The following THADA variants were observed in gnomAD, a reference collection of about 807,000 sequenced individuals.
The protein encoded by THADA is THADA armadillo repeat containing, also known as tRNA (32-2'-O)-methyltransferase regulator THADA.
In THADA, 213 loss-of-function variants were observed where a neutral mutation model predicts 219.8. That is an observed-to-expected ratio of 0.97 (90% CI 0.87 to 1.09). The LOEUF is 1.09. Ranked by LOEUF, THADA falls within the 50% of genes least tolerant of loss-of-function variation. The probability of loss-of-function intolerance (pLI) is 0.00; values close to 1 mark genes in which losing one functional copy is unlikely to be tolerated. For synonymous variants in THADA, 1,018 were observed against 828.9 expected (o/e 1.23, Z -3.92); for missense variants, 2,956 against 2,311.3 (o/e 1.28, Z -5.72).
chr2:43,445,145 G>T (rs78728832), intron 26 of THADA, among the ~76,000 whole-genome samples: 1,693 of 152,182 alleles, frequency 0.011, 32 homozygotes, highest in Non-Finnish European at 0.013. Flanking sequence ...TCACCACAGT[G>T]ATTGCTGATA....
In THADA at chr2:43,550,704, A is replaced by G. The variant is rs908680983; in HGVS notation, c.2947+1085T>C. Among the ~76,000 whole-genome samples the G allele has an allele frequency of 6.6e-5, 10 of 152,362 alleles. No homozygotes were observed. The South Asian group carries it at 2.1e-3, about 32-fold the overall frequency. ...ATCCTCTGTAGGATCTACCCACAGT[A>G]GGTAACAGAAATATTCAAGATTTCT... On this transcript the variant is annotated intron_variant, in intron 19 of 37. Coordinates refer to ENST00000405975, the MANE Select transcript of THADA (RefSeq NM_022065.5).
intron 26 of THADA, among the ~76,000 whole-genome samples, chr2:43,464,591 C>T (rs1055669983): frequency 2.0e-5 from 3 of 152,110 alleles, no homozygotes; most frequent in Non-Finnish European, 2.9e-5. Context: ...GTATCACTCT[C>T]GGCAAAGGCT....
At chr2:43,494,807 T>A (rs1185969140) in intron 25 of THADA, among the ~76,000 whole-genome samples, 1 of 152,212 alleles carries the variant, frequency 6.6e-6, no homozygotes, top group Non-Finnish European at 1.5e-5. Flanking sequence ...CATTTCCCTA[T>A]ATTTTAAGAA....
chr2:43,482,808 A>T (rs138548325), intron 26 of THADA, among the ~76,000 whole-genome samples: 3 of 152,322 alleles, frequency 2.0e-5, no homozygotes, highest in African/African-American at 4.8e-5. Context: ...AGAAAAACCA[A>T]ACTATATCTC....
At chr2:43,470,764 G>A (rs145185494) in intron 26 of THADA, among the ~76,000 whole-genome samples, 262 of 152,242 alleles carry the variant, frequency 1.7e-3, no homozygotes, top group African/African-American at 6.1e-3. Context: ...AACAGATAGA[G>A]GCAACAAGAC....
intron 25 of THADA, among the ~76,000 whole-genome samples, chr2:43,493,419 C>A (rs1005728496): frequency 1.3e-5 from 2 of 152,020 alleles, no homozygotes; most frequent in South Asian, 2.1e-4. Context: ...CGCTTGAACC[C>A]GGGAGGCAGA....
chr2:43,412,416 C>A (rs1423323646), intron 28 of THADA, among the ~76,000 whole-genome samples: 1 of 152,114 alleles, frequency 6.6e-6, no homozygotes, highest in Non-Finnish European at 1.5e-5. Flanking sequence ...TATAATATTT[C>A]AAAAGAAATT....
At chr2:43,292,391 C>T (rs1674840795) in intron 32 of THADA, among the ~76,000 whole-genome samples, 169 bp from the exon 33 acceptor site, 1 of 152,202 alleles carries the variant, frequency 6.6e-6, no homozygotes. Context: ...CAGAGTGATG[C>T]AATGACTAAC....
chr2:43,417,683 A>G (rs1007475754), intron 28 of THADA, among the ~76,000 whole-genome samples: 1 of 152,228 alleles, frequency 6.6e-6, no homozygotes, highest in Admixed American at 6.5e-5. Context: ...CTTCACAGAC[A>G]CAGCATCATA....
intron 31 of THADA, among the ~76,000 whole-genome samples, chr2:43,299,827 G>A (rs1467206276): frequency 6.6e-6 from 1 of 151,010 alleles, no homozygotes; most frequent in Non-Finnish European, 1.5e-5. Flanking sequence ...AGGAGCTTGA[G>A]ACCAGCCTGA....
chr2:43,254,542 G>A (rs994361766), intron 36 of THADA, among the ~76,000 whole-genome samples: 4 of 151,956 alleles, frequency 2.6e-5, no homozygotes, highest in African/African-American at 9.7e-5. Context: ...CCCTACTCAC[G>A]CACTCGATGC....
intron 22 of THADA, among the ~76,000 whole-genome samples, chr2:43,518,437 A>G (rs1034854689): frequency 6.6e-6 from 1 of 152,184 alleles, no homozygotes; most frequent in Non-Finnish European, 1.5e-5. Flanking sequence ...TCATACAAGA[A>G]TATTTCCTAC....
At chr2:43,592,155 G>T in intron 2 of THADA, 109 bp from the exon 3 acceptor site, 1 of 1,003,198 alleles carries the variant, frequency 1.0e-6, no homozygotes, top group Non-Finnish European at 1.4e-6. Context: ...GCAATAGGTG[G>T]AACATAGTCT....
chr2:43,454,467 T>C (rs1682740330), intron 26 of THADA, among the ~76,000 whole-genome samples: 1 of 152,024 alleles, frequency 6.6e-6, no homozygotes, highest in Admixed American at 6.6e-5. Flanking sequence ...CCAGGTGTGT[T>C]GGTGTGAGCC....
chr2:43,385,781 CTT>C (rs1672604497), intron 29 of THADA, among the ~76,000 whole-genome samples: 2 of 151,348 alleles, frequency 1.3e-5, no homozygotes, highest in African/African-American at 4.9e-5. Flanking sequence ...ATACTGATCT[CTT>C]TGAAGATTAA....
chr2:43,487,456 C>G (rs572392633), intron 25 of THADA, among the ~76,000 whole-genome samples: 2 of 152,302 alleles, frequency 1.3e-5, no homozygotes, highest in African/African-American at 4.8e-5. Flanking sequence ...TGGATACCCT[C>G]TGAAACAAAA....
intron 29 of THADA, among the ~76,000 whole-genome samples, chr2:43,354,193 T>C (rs1668611642): frequency 6.6e-6 from 1 of 151,962 alleles, no homozygotes; most frequent in African/African-American, 2.4e-5. Flanking sequence ...TGACCTCAAG[T>C]GATCCACCCG....
At position 43,286,255 on chromosome 2, in the gene THADA, T is replaced by C. The variant is rs542933895; in HGVS notation, c.5164+653A>G. On this transcript the variant is annotated intron_variant, in intron 35 of 37. Coordinates refer to ENST00000405975, the MANE Select transcript of THADA (RefSeq NM_022065.5). ...GTGGTGGATGATAAGGCAGGAGGAG[T>C]GGGCTAGGGGACAGAAAAGGAAGGG... Among the ~76,000 whole-genome samples, 258 of 151,522 alleles carry C rather than the reference T, an allele frequency of 1.7e-3. 1 individual carries two copies. Among genetic ancestry groups the C allele is most frequent in the African/African-American group, 6.1e-3 (251 of 41,316 alleles).
chr2:43,259,651 T>C (rs548151553), intron 36 of THADA, among the ~76,000 whole-genome samples: 1 of 152,270 alleles, frequency 6.6e-6, no homozygotes, highest in Admixed American at 6.5e-5. Flanking sequence ...CGGATGCCTT[T>C]GCATGTGGGT....
Sources: allele counts gnomAD v4.1 joint callset (sites outside exome capture counted in the v4.1 genomes callset), GRCh38; gene constraint gnomAD v4.1.1; transcripts MANE v1.5; gene names NCBI Gene and HGNC (gene_info 2026-07-23, HGNC 2026-07-21).